Variants in DOCK4 observed in about 807,000 individuals in gnomAD.
DOCK4 encodes dedicator of cytokinesis 4.
DOCK4 carries 97 observed loss-of-function variants against 268.1 expected under a neutral mutation model. That is an observed-to-expected ratio of 0.36 (90% CI 0.31 to 0.43). The LOEUF (loss-of-function observed/expected upper bound fraction) is 0.43, where lower values mean the gene tolerates loss of function less well. DOCK4 is among the 20% of genes least tolerant of loss of function. The pLI is 1.00. For synonymous variants in DOCK4, 954 were observed against 887.2 expected (o/e 1.08, Z -1.34); for missense variants, 2,145 against 2,455.7 (o/e 0.87, Z 2.67).
chr7:111,832,661 G>C (rs1276492099), intron 26 of DOCK4, among the ~76,000 whole-genome samples: 3 of 152,032 alleles, frequency 2.0e-5, no homozygotes, highest in African/African-American at 7.2e-5. Flanking sequence ...CCAAATAGCT[G>C]GGACTACAGG....
At position 111,895,621 on chromosome 7, in the gene DOCK4, G is replaced by A. The variant is rs758247214; in HGVS notation, c.1578C>T (p.Ile526=). The A allele has an allele frequency of 8.7e-6, 14 of 1,613,618 alleles. No individual in the cohort carries two copies. The highest frequency in any genetic ancestry group is 1.7e-4 in the Middle Eastern group (1 of 6,060). Residue 526 remains isoleucine (I), a synonymous_variant, in exon 16 of 53, where the codon ATC becomes ATT. Transcript: ENST00000428084. Reference sequence around the variant, plus strand: ...ATCTGACTGATGTTACCTTATGCACGATGAGCTCATGAGTGCCATCTGGAA... The same window carrying A: ...ATCTGACTGATGTTACCTTATGCACAATGAGCTCATGAGTGCCATCTGGAA... ...RTLPDGTHEL[I]VHKCEENTNL...
intron 25 of DOCK4, among the ~76,000 whole-genome samples, chr7:111,842,339 T>G (rs938173039): frequency 6.6e-6 from 1 of 152,138 alleles, no homozygotes; most frequent in Non-Finnish European, 1.5e-5. Flanking sequence ...CAATAGTTGG[T>G]AGACAAAAGA....
intron 16 of DOCK4, among the ~76,000 whole-genome samples, chr7:111,886,414 T>C (rs1416635988): frequency 6.6e-6 from 1 of 152,174 alleles, no homozygotes; most frequent in Non-Finnish European, 1.5e-5. Flanking sequence ...TCTCTGCCCT[T>C]GAGGGCACTG....
At chr7:111,990,956 A>T (rs1799474782) in intron 5 of DOCK4, among the ~76,000 whole-genome samples, 1 of 152,224 alleles carries the variant, frequency 6.6e-6, no homozygotes, top group African/African-American at 2.4e-5. Context: ...CACTTGAGGA[A>T]GTCAGTGTAG....
At chr7:112,020,685 T>TAAAAA (rs58803593) in intron 1 of DOCK4, among the ~76,000 whole-genome samples, 2 of 116,904 alleles carry the variant, frequency 1.7e-5, no homozygotes, top group African/African-American at 3.2e-5. Flanking sequence ...ACCCTAAAAG[T>TAAAAA]AAAAAAAAAA....
intron 8 of DOCK4, among the ~76,000 whole-genome samples, chr7:111,972,660 A>G (rs556890365): frequency 6.6e-6 from 1 of 151,956 alleles, no homozygotes; most frequent in African/African-American, 2.4e-5. Flanking sequence ...GATTATGTAG[A>G]CTACATTCTA....
chr7:112,103,624 G>A (rs951137318), intron 1 of DOCK4, among the ~76,000 whole-genome samples: 1 of 152,220 alleles, frequency 6.6e-6, no homozygotes, highest in Non-Finnish European at 1.5e-5. Flanking sequence ...GCTCATGCCT[G>A]TAATCCCAGC....
intron 23 of DOCK4, among the ~76,000 whole-genome samples, chr7:111,850,232 G>A (rs753810801): frequency 3.3e-5 from 5 of 152,060 alleles, no homozygotes; most frequent in Non-Finnish European, 7.4e-5. Context: ...CCCAGGTGAT[G>A]TCTGATCACC....
At chr7:112,199,495 ATTT>A (rs979959857) in intron 1 of DOCK4, among the ~76,000 whole-genome samples, 1 of 151,960 alleles carries the variant, frequency 6.6e-6, no homozygotes, top group Admixed American at 6.6e-5. Context: ...TCTTGGCACA[ATTT>A]TTTTTAAATG....
intron 8 of DOCK4, among the ~76,000 whole-genome samples, chr7:111,973,723 T>C (rs1797915653): frequency 6.6e-6 from 1 of 152,060 alleles, no homozygotes; most frequent in South Asian, 2.1e-4. Flanking sequence ...AGGAATTTGC[T>C]TCAAAATAAT....
chr7:111,866,681 A>C (rs1042263601), intron 22 of DOCK4, among the ~76,000 whole-genome samples: 2 of 152,182 alleles, frequency 1.3e-5, no homozygotes, highest in Admixed American at 6.5e-5. Context: ...TAAGGTAAAA[A>C]AAAAAGTCTC....
chr7:111,995,927 C>T (rs526235), intron 4 of DOCK4, among the ~76,000 whole-genome samples: 110,685 of 152,114 alleles, frequency 0.73, 41,746 homozygotes, highest in East Asian at 0.99. Context: ...CTGTGACAGA[C>T]ACAGAACCTT....
intron 1 of DOCK4, among the ~76,000 whole-genome samples, chr7:112,107,019 T>C (rs1811195924): frequency 6.6e-6 from 1 of 152,222 alleles, no homozygotes; most frequent in Non-Finnish European, 1.5e-5. Context: ...GTCTAATAAC[T>C]ACACTAAATT....
At chr7:111,866,649 C>A (rs1364090013) in intron 22 of DOCK4, among the ~76,000 whole-genome samples, 2 of 151,996 alleles carry the variant, frequency 1.3e-5, no homozygotes, top group Non-Finnish European at 2.9e-5. Flanking sequence ...TTAGGGGGAC[C>A]TCCAGGATCC....
At chr7:111,924,934 G>A (rs1435387334) in intron 12 of DOCK4, among the ~76,000 whole-genome samples, 1 of 152,018 alleles carries the variant, frequency 6.6e-6, no homozygotes, top group East Asian at 1.9e-4. Context: ...TTTGGGAGGT[G>A]GGGGCTGAGA....
At chr7:112,163,611 G>A (rs116367170) in intron 1 of DOCK4, among the ~76,000 whole-genome samples, 5,243 of 152,164 alleles carry the variant, frequency 0.034, 286 homozygotes, top group African/African-American at 0.12. Context: ...TTTACATAGA[G>A]CATAGTATAG....
At chr7:111,881,772 G>T (rs916147300) in intron 16 of DOCK4, among the ~76,000 whole-genome samples, 1 of 152,178 alleles carries the variant, frequency 6.6e-6, no homozygotes, top group African/African-American at 2.4e-5. Context: ...CCTGTCATTT[G>T]CAACAACATG....
At chr7:112,003,381 C>T (rs1019139488) in intron 2 of DOCK4, among the ~76,000 whole-genome samples, 1 of 152,012 alleles carries the variant, frequency 6.6e-6, no homozygotes, top group African/African-American at 2.4e-5. Context: ...AAGGAAGACC[C>T]TGTCTCAAAG....
chr7:112,114,187 T>A (rs1811922196), intron 1 of DOCK4, among the ~76,000 whole-genome samples: 1 of 152,120 alleles, frequency 6.6e-6, no homozygotes, highest in Admixed American at 6.5e-5. Context: ...GCTATCCCCA[T>A]CCTGGTCAAG....
Sources: gnomAD v4.1 joint callset for allele counts (sites outside exome capture counted in the v4.1 genomes callset) on GRCh38, gnomAD v4.1.1 for gene constraint, MANE v1.5 for transcripts, NCBI Gene and HGNC (gene_info 2026-07-23, HGNC 2026-07-21) for gene names.